DHRSX: variants seen among roughly 807,000 people sequenced by gnomAD.
DHRSX encodes dehydrogenase/reductase X-linked.
A neutral mutation model predicts 34.0 loss-of-function variants in DHRSX; 31 were observed. The observed-to-expected ratio is 0.91, with a 90% CI of 0.69 to 1.23. The LOEUF is 1.23. Among genes scored for constraint, DHRSX ranks in the 50% most tolerant of loss-of-function variants. The pLI is 0.00. For missense variants in DHRSX, 414 were observed against 428.1 expected, an observed-to-expected ratio of 0.97 and a Z score of 0.29; for synonymous variants, 201 against 183.8, an observed-to-expected ratio of 1.09 and a Z score of -0.76.
At chrX:2,323,103 T>A (rs1327450564) in intron 3 of DHRSX, among the ~76,000 whole-genome samples, 11 of 152,086 alleles carry the variant, frequency 7.2e-5, no homozygotes, top group Non-Finnish European at 2.9e-5. Flanking sequence ...CAAGGTCAAC[T>A]GTATTTTCTT....
intron 6 of DHRSX, among the ~76,000 whole-genome samples, chrX:2,225,777 C>A (rs751606283): frequency 6.6e-6 from 1 of 151,756 alleles, no homozygotes; most frequent in East Asian, 1.9e-4. Flanking sequence ...AGGAGAGAGA[C>A]CTCAGGAGGA....
chrX:2,330,078 G>GACA (rs2042440107), intron 3 of DHRSX, among the ~76,000 whole-genome samples: 2 of 57,222 alleles, frequency 3.5e-5, no homozygotes, highest in African/African-American at 1.4e-4. Flanking sequence ...GACGGCGGGG[G>GACA]GGGGGGGGGG....
At chrX:2,464,371 G>C (rs773812125) in intron 1 of DHRSX, among the ~76,000 whole-genome samples, 10 of 68,900 alleles carry the variant, frequency 1.5e-4, no homozygotes, top group African/African-American at 7.2e-4. Context: ...ACACACTGAA[G>C]ACGTTCCCTA....
chrX:2,221,158 A>G lies in DHRSX; in HGVS notation c.876T>C (p.His292=). 6.2e-7 allele frequency: 1 copy of G among 1,613,794 alleles called. No homozygotes were observed. Among genetic ancestry groups the G allele is most frequent in the Non-Finnish European group, 8.5e-7 (1 of 1,179,822 alleles). ...VTPELEGVGG[H]YLYNEKETKS... ...TGGTCTCTTTCTCGTTGTATAGGTA[A>G]TGGCCACCAACTCCTTCCAGCTCTG... The change falls in exon 7 of 7, where the codon CAT becomes CAC. Residue 292 remains histidine, a synonymous_variant. Transcript: ENST00000334651.
chrX:2,286,858 G>A (rs1180724808), intron 4 of DHRSX, among the ~76,000 whole-genome samples: 5 of 152,160 alleles, frequency 3.3e-5, no homozygotes, highest in Non-Finnish European at 7.3e-5. Flanking sequence ...GGAAGAAAGT[G>A]CAAAGTGTTA....
intron 2 of DHRSX, among the ~76,000 whole-genome samples, chrX:2,419,266 G>A (rs185945715): frequency 6.6e-6 from 1 of 152,250 alleles, no homozygotes; most frequent in East Asian, 1.9e-4. Flanking sequence ...CACCATGTGA[G>A]GACACAGGAG....
intron 5 of DHRSX, among the ~76,000 whole-genome samples, chrX:2,250,171 A>AAT: frequency 6.6e-6 from 1 of 151,430 alleles, no homozygotes; most frequent in African/African-American, 2.4e-5. Flanking sequence ...CAAAAAAAAA[A>AAT]AAAAAAAAAA....
chrX:2,271,685 C>T (rs1182934370), intron 4 of DHRSX, among the ~76,000 whole-genome samples: 1 of 152,140 alleles, frequency 6.6e-6, no homozygotes, highest in Non-Finnish European at 1.5e-5. Context: ...CTCCTACAGT[C>T]CTCAAAGCCC....
At chrX:2,259,335 TATATAG>T (rs1369576106) in intron 5 of DHRSX, among the ~76,000 whole-genome samples, 19 of 145,518 alleles carry the variant, frequency 1.3e-4, no homozygotes, top group Middle Eastern at 3.6e-3. Flanking sequence ...GATATAGATA[TATATAG>T]ATATAGATAT....
At chrX:2,304,428 C>G (rs1486156502) in intron 3 of DHRSX, among the ~76,000 whole-genome samples, 1 of 152,012 alleles carries the variant, frequency 6.6e-6, no homozygotes, top group East Asian at 1.9e-4. Flanking sequence ...ATTCAAATCT[C>G]AAGTTGAATT....
intron 3 of DHRSX, among the ~76,000 whole-genome samples, chrX:2,366,111 C>A (rs1489706690): frequency 6.6e-6 from 1 of 152,076 alleles, no homozygotes; most frequent in Non-Finnish European, 1.5e-5. Context: ...CTGCTCATAC[C>A]CCTACGACGG....
At chrX:2,449,909 G>C (rs975808319) in intron 1 of DHRSX, among the ~76,000 whole-genome samples, 10 of 152,034 alleles carry the variant, frequency 6.6e-5, no homozygotes, top group Admixed American at 2.0e-4. Context: ...CTGGGATTAC[G>C]GGCGTGAGCC....
At chrX:2,358,483 G>C (rs992538447) in intron 3 of DHRSX, among the ~76,000 whole-genome samples, 13 of 152,064 alleles carry the variant, frequency 8.5e-5, no homozygotes, top group African/African-American at 3.1e-4. Context: ...GGATCACAAG[G>C]TCAGGAGATC....
intron 3 of DHRSX, among the ~76,000 whole-genome samples, chrX:2,328,497 T>C (rs2042416981): frequency 3.4e-5 from 5 of 148,416 alleles, no homozygotes; most frequent in Admixed American, 3.4e-4. Context: ...CTGTTGTTTA[T>C]AAGTCACCCA....
At chrX:2,377,372 A>G (rs2043153856) in intron 3 of DHRSX, among the ~76,000 whole-genome samples, 1 of 151,868 alleles carries the variant, frequency 6.6e-6, no homozygotes, top group East Asian at 1.9e-4. Flanking sequence ...AGACAGTGGC[A>G]GATCATCAGG....
intron 3 of DHRSX, among the ~76,000 whole-genome samples, chrX:2,368,112 G>A (rs370134921): frequency 3.5e-4 from 53 of 151,616 alleles, no homozygotes; most frequent in African/African-American, 1.1e-3. Context: ...GCGTGGTGCC[G>A]TGTGCCTGTA....
intron 3 of DHRSX, among the ~76,000 whole-genome samples, chrX:2,405,188 T>C (rs2124634278): frequency 1.3e-5 from 2 of 152,260 alleles, no homozygotes; most frequent in East Asian, 3.9e-4. Context: ...TTCACTCTCA[T>C]GGCTTTAAAA....
chrX:2,282,636 AAGGG>A (rs1467426578), intron 4 of DHRSX, among the ~76,000 whole-genome samples: 3 of 46,746 alleles, frequency 6.4e-5, no homozygotes, highest in African/African-American at 1.8e-4. Context: ...GAAGAAGGGA[AAGGG>A]AGGGAGAGAG....
At position 2,496,201 on chromosome X, in the gene DHRSX, T is replaced by G. The variant is rs189195020; in HGVS notation, c.109+4616A>C. On this transcript the variant is annotated intron_variant, in intron 1 of 6. Coordinates refer to ENST00000334651, the MANE Select transcript of DHRSX (RefSeq NM_145177.3). ...TTTTATTTTTGTTTTTGTTTTTTTGTTTTTTTGGTTTTTTTGAGACGGAGT... is the reference window on the plus strand; with the variant it reads ...TTTTATTTTTGTTTTTGTTTTTTTGGTTTTTTGGTTTTTTTGAGACGGAGT... Among the ~76,000 whole-genome samples, 959 of 152,144 alleles carry G rather than the reference T, an allele frequency of 6.3e-3. 10 individuals carry two copies. The highest frequency in any genetic ancestry group is 0.01 in the Non-Finnish European group (690 of 68,004).
Sources: gnomAD v4.1 joint callset for allele counts (sites outside exome capture counted in the v4.1 genomes callset) on GRCh38, gnomAD v4.1.1 for gene constraint, MANE v1.5 for transcripts, NCBI Gene and HGNC (gene_info 2026-07-23, HGNC 2026-07-21) for gene names.